Variants in SV2C observed in about 807,000 individuals in gnomAD.
The protein encoded by SV2C is solute carrier family 22 member B3.
A neutral mutation model predicts 79.7 loss-of-function variants in SV2C; 49 were observed. The observed-to-expected ratio is 0.61, with a 90% CI of 0.49 to 0.78. The LOEUF (loss-of-function observed/expected upper bound fraction) is 0.78. Among genes scored for constraint, SV2C ranks in the 30% least tolerant of loss-of-function variants. The pLI, the probability that SV2C is intolerant of heterozygous loss-of-function variation, is 0.00. For synonymous variants in SV2C, 334 were observed against 333.2 expected, an observed-to-expected ratio of 1.00 and a Z score of -0.03; for missense variants, 833 against 912.9, an observed-to-expected ratio of 0.91 and a Z score of 1.13.
At chr5:76,085,050 C>T (rs889052823) in intron 1 of SV2C, among the ~76,000 whole-genome samples, 9 of 152,352 alleles carry the variant, frequency 5.9e-5, no homozygotes, top group African/African-American at 1.4e-4. Flanking sequence ...AACCTAATCC[C>T]TTCATACTTA....
At chr5:75,945,574 C>T in the SV2C span, among the ~76,000 whole-genome samples, 1 of 152,024 alleles carries the variant, frequency 6.6e-6, no homozygotes, top group African/African-American at 2.4e-5. Context: ...CCACCTCAGC[C>T]TCCCAAAGTG....
intron 2 of SV2C, among the ~76,000 whole-genome samples, chr5:76,171,695 G>A (rs1743268702): frequency 7.7e-6 from 1 of 130,350 alleles, no homozygotes; most frequent in African/African-American, 2.8e-5. Context: ...CAGCCGTGCC[G>A]TCCGGGAGGG....
intron 3 of SV2C, among the ~76,000 whole-genome samples, chr5:76,201,177 T>C (rs1466449578): frequency 6.6e-6 from 1 of 152,232 alleles, no homozygotes; most frequent in Non-Finnish European, 1.5e-5. Flanking sequence ...CAATTACTCA[T>C]CTGTCTATCA....
At chr5:76,273,045 A>G (rs937379990) in intron 4 of SV2C, among the ~76,000 whole-genome samples, 6 of 151,404 alleles carry the variant, frequency 4.0e-5, no homozygotes, top group African/African-American at 1.5e-4. Context: ...GAGCTGACTT[A>G]ACATGCATTT....
chr5:76,283,517 A>C (rs1747258754), intron 4 of SV2C, among the ~76,000 whole-genome samples: 1 of 152,208 alleles, frequency 6.6e-6, no homozygotes. Context: ...TTTAAAAAGA[A>C]GTTCTTTATA....
At chr5:75,976,850 G>A in the SV2C span, among the ~76,000 whole-genome samples, 7 of 152,126 alleles carry the variant, frequency 4.6e-5, no homozygotes, top group African/African-American at 1.7e-4. Flanking sequence ...GGATACTTTT[G>A]TAATTCGAAA....
At chr5:75,896,259 T>C in the SV2C span, among the ~76,000 whole-genome samples, 1 of 131,940 alleles carries the variant, frequency 7.6e-6, no homozygotes, top group Admixed American at 9.1e-5. Flanking sequence ...TTCCCCTTCC[T>C]GTGTCCATAT....
the SV2C span, among the ~76,000 whole-genome samples, chr5:75,988,645 A>T: frequency 6.6e-6 from 1 of 151,936 alleles, no homozygotes; most frequent in Admixed American, 6.6e-5. Flanking sequence ...ACACTGGTCA[A>T]GTGTTAGGTG....
chr5:76,185,647 T>G (rs1413681834), intron 2 of SV2C, among the ~76,000 whole-genome samples: 1 of 152,258 alleles, frequency 6.6e-6, no homozygotes, highest in African/African-American at 2.4e-5. Context: ...TAGCCATAGC[T>G]GGAGCTGAAG....
At chr5:76,020,200 A>T in the SV2C span, among the ~76,000 whole-genome samples, 1 of 152,166 alleles carries the variant, frequency 6.6e-6, no homozygotes, top group Non-Finnish European at 1.5e-5. Flanking sequence ...CTAGATATGG[A>T]AGAACTTCCT....
chr5:76,276,883 A>G (rs1747040167), intron 4 of SV2C, among the ~76,000 whole-genome samples: 1 of 152,008 alleles, frequency 6.6e-6, no homozygotes, highest in African/African-American at 2.4e-5. Context: ...CTGTTAACAT[A>G]TCTGCCTTTT....
chr5:76,298,068 C>T (rs147805128), intron 9 of SV2C, among the ~76,000 whole-genome samples: 390 of 152,230 alleles, frequency 2.6e-3, no homozygotes, highest in African/African-American at 8.0e-3. Flanking sequence ...ATTTTTACCA[C>T]GTAGAATTCC....
downstream of SV2C, among the ~76,000 whole-genome samples, chr5:76,338,659 C>CTTTTT (rs60550344): frequency 4.4e-4 from 52 of 119,516 alleles, no homozygotes; most frequent in Middle Eastern, 4.5e-3. Flanking sequence ...TTTTCTTTTT[C>CTTTTT]TTTTTTTTTT....
At chr5:76,005,869 T>G in the SV2C span, among the ~76,000 whole-genome samples, 2 of 152,170 alleles carry the variant, frequency 1.3e-5, no homozygotes, top group African/African-American at 4.8e-5. Flanking sequence ...TAAGCCAAGA[T>G]TTTACCTCTT....
At chr5:75,986,211 A>G in the SV2C span, among the ~76,000 whole-genome samples, 66 of 151,722 alleles carry the variant, frequency 4.4e-4, no homozygotes, top group Non-Finnish European at 8.1e-4. Context: ...GGAACTTTGC[A>G]TATATGATTA....
At chr5:76,258,264 G>T (rs547877271) in intron 4 of SV2C, among the ~76,000 whole-genome samples, 2 of 152,140 alleles carry the variant, frequency 1.3e-5, no homozygotes, top group South Asian at 2.1e-4. Flanking sequence ...CCCTTTGGAT[G>T]TATTTGATCC....
intron 4 of SV2C, among the ~76,000 whole-genome samples, chr5:76,224,628 A>T (rs533088027): frequency 3.2e-4 from 49 of 152,166 alleles, no homozygotes; most frequent in Non-Finnish European, 5.6e-4. Context: ...AGGACAAGAG[A>T]TACTTACAAT....
chr5:75,918,046 G>A, the SV2C span, among the ~76,000 whole-genome samples: 2,236 of 152,274 alleles, frequency 0.015, 59 homozygotes, highest in African/African-American at 0.048. Flanking sequence ...ATAAAGCCAT[G>A]GAGGGTGAGG....
chr5:76,297,783 A>C (rs568106965), intron 9 of SV2C, among the ~76,000 whole-genome samples: 1 of 152,178 alleles, frequency 6.6e-6, no homozygotes, highest in Admixed American at 6.5e-5. Context: ...AAAGTACTCA[A>C]TAGTTAGTAA....
Sources: allele counts gnomAD v4.1 joint callset (sites outside exome capture counted in the v4.1 genomes callset), GRCh38; gene constraint gnomAD v4.1.1; transcripts MANE v1.5; gene names NCBI Gene and HGNC (gene_info 2026-07-23, HGNC 2026-07-21).